Variants in TMEM132D observed in about 807,000 individuals in gnomAD.
The protein encoded by TMEM132D is transmembrane protein 132D, also known as mature OL transmembrane protein.
A neutral mutation model predicts 62.3 loss-of-function variants in TMEM132D; 21 were observed. That is an observed-to-expected ratio of 0.34 (90% CI 0.24 to 0.49). The LOEUF is 0.49. Among genes scored for constraint, TMEM132D ranks in the 20% least tolerant of loss-of-function variants. The probability of loss-of-function intolerance (pLI) is 0.99; values close to 1 mark genes in which losing one functional copy is unlikely to be tolerated. For missense variants in TMEM132D, 1,346 were observed against 1,402.8 expected (o/e 0.96, Z 0.65); for synonymous variants, 621 against 575.6 (o/e 1.08, Z -1.13).
At chr12:129,599,116 G>A (rs2137141175) in intron 2 of TMEM132D, among the ~76,000 whole-genome samples, 1 of 152,276 alleles carries the variant, frequency 6.6e-6, no homozygotes, top group African/African-American at 2.4e-5. Context: ...GATGCAGAGA[G>A]GAGAGCACAG....
intron 5 of TMEM132D, among the ~76,000 whole-genome samples, chr12:129,162,684 T>C (rs1402885911): frequency 6.6e-6 from 1 of 152,114 alleles, no homozygotes; most frequent in Non-Finnish European, 1.5e-5. Flanking sequence ...TCCCCGACTC[T>C]CGTTCCTGAT....
At chr12:129,314,174 T>C (rs1270310269) in intron 4 of TMEM132D, among the ~76,000 whole-genome samples, 1 of 152,140 alleles carries the variant, frequency 6.6e-6, no homozygotes, top group East Asian at 1.9e-4. Context: ...GGATTCTTAG[T>C]CATGAAATAT....
chr12:129,741,510 C>G (rs1382957544), intron 1 of TMEM132D, among the ~76,000 whole-genome samples: 1 of 152,110 alleles, frequency 6.6e-6, no homozygotes, highest in East Asian at 1.9e-4. Flanking sequence ...TTGAGAGACT[C>G]TGAAAGAATC....
chr12:129,515,184 G>C (rs1320229279), intron 3 of TMEM132D, among the ~76,000 whole-genome samples: 1 of 152,118 alleles, frequency 6.6e-6, no homozygotes, highest in African/African-American at 2.4e-5. Context: ...GACTTTCCCA[G>C]AAGAAACCAG....
chr12:129,260,432 C>T (rs891636277), intron 4 of TMEM132D, among the ~76,000 whole-genome samples: 4 of 152,188 alleles, frequency 2.6e-5, no homozygotes, highest in African/African-American at 9.7e-5. Flanking sequence ...GAGAGCTGAA[C>T]AAGTGACTAG....
At chr12:129,841,874 GAT>G (rs1411312381) in intron 1 of TMEM132D, among the ~76,000 whole-genome samples, 1 of 150,648 alleles carries the variant, frequency 6.6e-6, no homozygotes, top group East Asian at 1.9e-4. Flanking sequence ...AGTAATGGCT[GAT>G]ATTCGTTGAG....
intron 2 of TMEM132D, among the ~76,000 whole-genome samples, chr12:129,607,698 G>T (rs527475784): frequency 6.6e-6 from 1 of 152,142 alleles, no homozygotes; most frequent in African/African-American, 2.4e-5. Flanking sequence ...TAGAATGACC[G>T]ACTACAGGAT....
Position 129,442,118 on chromosome 12 carries a change from A to G in TMEM132D, c.1115+88941T>C, listed in dbSNP as rs566753269. Among the ~76,000 whole-genome samples the G allele has an allele frequency of 2.0e-5, 3 of 152,240 alleles. No individual in the cohort carries two copies. In the South Asian group the frequency reaches 6.2e-4, roughly 32 times the overall value. ...TCCCATGTAACAAACCTACACATGT[A>G]CCCCCGGAATCTAAAACAAAAGTTG... On this transcript the variant is annotated intron_variant, in intron 3 of 8. Coordinates refer to ENST00000422113, the MANE Select transcript of TMEM132D (RefSeq NM_133448.3).
chr12:129,592,212 A>G (rs7134546), intron 2 of TMEM132D, among the ~76,000 whole-genome samples: 1 of 108,638 alleles, frequency 9.2e-6, no homozygotes, highest in East Asian at 3.4e-4. Flanking sequence ...TATAATGTCC[A>G]TCTGATTTTA....
At chr12:129,192,530 T>C (rs1878433737) in intron 5 of TMEM132D, among the ~76,000 whole-genome samples, 1 of 152,226 alleles carries the variant, frequency 6.6e-6, no homozygotes, top group Non-Finnish European at 1.5e-5. Flanking sequence ...AAGAGAAACT[T>C]TAAGGCCCTG....
chr12:129,585,502 G>A (rs180962578), intron 2 of TMEM132D, among the ~76,000 whole-genome samples: 81 of 152,324 alleles, frequency 5.3e-4, no homozygotes, highest in African/African-American at 1.8e-3. Context: ...CGTTCCATGC[G>A]TTATTAACCG....
intron 1 of TMEM132D, among the ~76,000 whole-genome samples, chr12:129,750,858 A>G (rs1869978774): frequency 6.6e-6 from 1 of 152,182 alleles, no homozygotes; most frequent in South Asian, 2.1e-4. Context: ...CAAAAAAAAA[A>G]TAAATGTTTA....
At chr12:129,397,422 T>C (rs1192162518) in intron 3 of TMEM132D, among the ~76,000 whole-genome samples, 4 of 152,140 alleles carry the variant, frequency 2.6e-5, no homozygotes, top group Non-Finnish European at 5.9e-5. Context: ...AATTATGTTA[T>C]GCATGTAAAC....
In TMEM132D at chr12:129,360,000, G is replaced by GA. The variant is rs543570133; in HGVS notation, c.1116-22184dup. Among the ~76,000 whole-genome samples the GA allele has an allele frequency of 6.1e-4, 89 of 144,848 alleles. 1 individual carries two copies. The highest frequency in any genetic ancestry group is 1.4e-3 in the African/African-American group (56 of 39,568). On this transcript the variant is annotated intron_variant, in intron 3 of 8. Coordinates refer to ENST00000422113, the MANE Select transcript of TMEM132D (RefSeq NM_133448.3). The stretch of plus-strand genomic sequence containing the variant: ...ACTTGTTGCAGTGGGAAAAAAATGA[G>GA]AAAAAAAAAAAACCCCATTTTTTTC...
intron 3 of TMEM132D, among the ~76,000 whole-genome samples, chr12:129,354,876 C>A (rs1048551630): frequency 5.9e-5 from 9 of 152,302 alleles, no homozygotes; most frequent in African/African-American, 2.2e-4. Context: ...TCTTCCAGTG[C>A]AAGAACATGC....
intron 2 of TMEM132D, among the ~76,000 whole-genome samples, chr12:129,678,069 C>T (rs1880680292): frequency 6.6e-6 from 1 of 151,866 alleles, no homozygotes; most frequent in Non-Finnish European, 1.5e-5. Flanking sequence ...TTATCCAGTA[C>T]CTTCTCAATG....
chr12:129,106,580 A>AC (rs1875505991), intron 5 of TMEM132D, among the ~76,000 whole-genome samples: 2 of 152,162 alleles, frequency 1.3e-5, no homozygotes, highest in South Asian at 4.1e-4. Context: ...AGGTGCAGTC[A>AC]CCATACCTGA....
chr12:129,748,711 G>C (rs7960117), intron 1 of TMEM132D, among the ~76,000 whole-genome samples: 98,251 of 152,064 alleles, frequency 0.65, 32,065 homozygotes, highest in South Asian at 0.75. Flanking sequence ...AAACCCACAC[G>C]TGCTAAGCCA....
At chr12:129,770,098 G>A (rs1239531663) in intron 1 of TMEM132D, among the ~76,000 whole-genome samples, 6 of 150,392 alleles carry the variant, frequency 4.0e-5, no homozygotes, top group Non-Finnish European at 7.4e-5. Flanking sequence ...AAAGGTGTGA[G>A]CCACTGCATA....
Sources: allele counts gnomAD v4.1 joint callset (sites outside exome capture counted in the v4.1 genomes callset), GRCh38; gene constraint gnomAD v4.1.1; transcripts MANE v1.5; gene names NCBI Gene and HGNC (gene_info 2026-07-23, HGNC 2026-07-21).